Variants in RPE65 observed in about 807,000 individuals in gnomAD.
RPE65 encodes the protein retinoid isomerohydrolase.
Under a neutral mutation model 68.5 loss-of-function variants are expected in RPE65, and 58 were observed. The ratio of observed to expected loss-of-function variants is 0.85; its 90% CI spans 0.69 to 1.05. RPE65 has a LOEUF of 1.05. Among genes scored for constraint, RPE65 ranks in the 50% least tolerant of loss-of-function variants. RPE65 has a pLI of 0.00. For missense variants in RPE65, 643 were observed against 629.9 expected (o/e 1.02, Z -0.22); for synonymous variants, 220 against 222.2 (o/e 0.99, Z 0.09).
chr1:68,444,169 T>C (rs1224819433), intron 5 of RPE65, among the ~76,000 whole-genome samples: 1 of 151,474 alleles, frequency 6.6e-6, no homozygotes, highest in East Asian at 1.9e-4. Flanking sequence ...AGTATTTGTG[T>C]CATGAATGAA....
intron 1 of RPE65, among the ~76,000 whole-genome samples, chr1:68,449,693 G>A (rs1327609037): frequency 6.6e-6 from 1 of 152,118 alleles, no homozygotes; most frequent in African/African-American, 2.4e-5. Context: ...CCCGGGCTAA[G>A]TCACACAAAC....
intron 10 of RPE65, among the ~76,000 whole-genome samples, chr1:68,434,980 T>C (rs1211280244): frequency 6.6e-6 from 1 of 152,184 alleles, no homozygotes; most frequent in East Asian, 1.9e-4. Context: ...GATACTCAAC[T>C]GCTTACCTTA....
intron 10 of RPE65, among the ~76,000 whole-genome samples, chr1:68,436,181 G>A (rs1645861567): frequency 6.6e-6 from 1 of 152,226 alleles, no homozygotes; most frequent in African/African-American, 2.4e-5. Context: ...CGAAGTAAGA[G>A]TTTACTGAAA....
intron 6 of RPE65, among the ~76,000 whole-genome samples, chr1:68,440,251 A>T (rs1557600689): frequency 6.6e-6 from 1 of 152,180 alleles, no homozygotes; most frequent in Non-Finnish European, 1.5e-5. Context: ...CACTTTGAGA[A>T]CTGTACTAAA....
At chr1:68,445,842 C>A (rs952723000) in intron 3 of RPE65, among the ~76,000 whole-genome samples, 2 of 151,878 alleles carry the variant, frequency 1.3e-5, no homozygotes, top group Non-Finnish European at 2.9e-5. Flanking sequence ...AGAAAGAGTA[C>A]CCTGCTCTGT....
At chr1:68,441,395 G>A (rs914435557) in intron 5 of RPE65, among the ~76,000 whole-genome samples, 6 of 151,946 alleles carry the variant, frequency 3.9e-5, no homozygotes, top group African/African-American at 1.5e-4. Context: ...TTCCAAAAAT[G>A]TCAATTTCGT....
chr1:68,436,241 G>A (rs774700983), intron 10 of RPE65, among the ~76,000 whole-genome samples: 1 of 151,986 alleles, frequency 6.6e-6, no homozygotes, highest in Non-Finnish European at 1.5e-5. Flanking sequence ...TCAACTACAT[G>A]TCAGTGATAT....
At chr1:68,439,970 C>T (rs1645888403) in intron 6 of RPE65, among the ~76,000 whole-genome samples, 1 of 152,070 alleles carries the variant, frequency 6.6e-6, no homozygotes. Flanking sequence ...GGTCAAAATG[C>T]CTTTTGCAAC....
chr1:68,434,210 G>A (rs1645845819), intron 10 of RPE65, among the ~76,000 whole-genome samples: 1 of 151,738 alleles, frequency 6.6e-6, no homozygotes, highest in Admixed American at 6.6e-5. Flanking sequence ...GGTGAATAGA[G>A]GGAACAATGA....
At position 68,431,117 on chromosome 1, in the gene RPE65, G is replaced by A. The variant is rs764189309; in HGVS notation, c.1398C>T (p.Tyr466=). 8.1e-6 allele frequency: 13 copies of A among 1,613,680 alleles called. No homozygotes were observed. Among genetic ancestry groups the A allele is most frequent in the Non-Finnish European group, 8.5e-7 (1 of 1,179,828 alleles). The change falls in exon 13 of 14, where the codon TAC becomes TAT. Residue 466 remains tyrosine (Y), a synonymous_variant. Transcript: ENST00000262340. The part of the protein sequence containing the change: ...ETWVWQEPDS[Y]PSEPIFVSHP... ...GAGAAACAAAGATGGGTTCTGATGGGTATGAATCAGGCTCTTGCCAAACCC... is the reference window on the plus strand; with the variant it reads ...GAGAAACAAAGATGGGTTCTGATGGATATGAATCAGGCTCTTGCCAAACCC...
chr1:68,438,080 A>G (rs1645873505), intron 10 of RPE65, 107 bp downstream of exon 10: 4 of 1,378,450 alleles, frequency 2.9e-6, no homozygotes, highest in African/African-American at 1.4e-5. Context: ...AGCTCCTTCT[A>G]GCTCTCAAAT....
At chr1:68,445,575 G>T (rs771891180) in intron 3 of RPE65, among the ~76,000 whole-genome samples, 4 of 151,938 alleles carry the variant, frequency 2.6e-5, no homozygotes, top group African/African-American at 9.7e-5. Flanking sequence ...GTGCAGTGGC[G>T]CAATCTTGGC....
At chr1:68,441,729 G>A (rs1314913791) in intron 5 of RPE65, among the ~76,000 whole-genome samples, 1 of 151,918 alleles carries the variant, frequency 6.6e-6, no homozygotes, top group African/African-American at 2.4e-5. Context: ...TTTCCACCTG[G>A]GACCTACTTG....
chr1:68,439,462 TGC>T lies in RPE65; in HGVS notation c.725+97_725+98del, dbSNP rs1450081625. The T allele has an allele frequency of 5.1e-6, 8 of 1,561,258 alleles. No homozygotes were observed. In the African/African-American group the frequency reaches 1.1e-4, roughly 21 times the overall value. ...TTAATTATGTTTAAATTTAGTTTTC[TGC>T]AAAAAAATATTGTGATCAGGATTGG... On this transcript the variant is annotated intron_variant, in intron 7 of 13. Coordinates refer to ENST00000262340, the MANE Select transcript of RPE65 (RefSeq NM_000329.3).
rs12138573 is a variant in RPE65 at position 68,438,830 on chromosome 1, A to G, written c.998+112T>C. The G allele has an allele frequency of 0.14, 182,711 of 1,349,710 alleles. 14,744 individuals carry two copies. The highest frequency in any genetic ancestry group is 0.37 in the East Asian group (16,194 of 43,556). The allele number at this position is 1,349,710 out of a possible 1,614,324, so 83.6% of individuals were successfully genotyped here. On this transcript the variant is annotated intron_variant, in intron 9 of 13. Coordinates refer to ENST00000262340, the MANE Select transcript of RPE65 (RefSeq NM_000329.3). ...TTCCAATTACATTTTTGACTCTCAC[A>G]TAACTCTTGCTGTTTTAGATGTGAT...
intron 10 of RPE65, 152 bp downstream of exon 10, chr1:68,438,035 G>A: frequency 1.1e-6 from 1 of 909,406 alleles, no homozygotes; most frequent in East Asian, 2.7e-5. Context: ...AGTTTCATTT[G>A]TAAAATGAAG....
At chr1:68,432,388 G>A (rs919364283) in intron 10 of RPE65, among the ~76,000 whole-genome samples, 12 of 152,172 alleles carry the variant, frequency 7.9e-5, no homozygotes, top group Admixed American at 2.6e-4. Context: ...AACGTGAAGG[G>A]TAAGCGGTTA....
intron 13 of RPE65, 84 bp from the exon 14 acceptor site, chr1:68,430,011 G>A (rs1645814906): frequency 1.3e-6 from 2 of 1,529,320 alleles, no homozygotes; most frequent in Non-Finnish European, 1.8e-6. Flanking sequence ...AATATAGGAG[G>A]TATTACATTG....
chr1:68,431,926 A>G (rs1280033239), intron 10 of RPE65, among the ~76,000 whole-genome samples: 1 of 152,078 alleles, frequency 6.6e-6, no homozygotes, highest in African/African-American at 2.4e-5. Context: ...AAAACCAATA[A>G]TAATAATAAT....
Sources: gnomAD v4.1 joint callset for allele counts (sites outside exome capture counted in the v4.1 genomes callset) on GRCh38, gnomAD v4.1.1 for gene constraint, MANE v1.5 for transcripts, NCBI Gene and HGNC (gene_info 2026-07-23, HGNC 2026-07-21) for gene names.